The following ZPLD1 variants were observed in gnomAD, a reference collection of about 807,000 sequenced individuals.
ZPLD1 encodes the protein zona pellucida like domain containing 1.
ZPLD1 carries 34 observed loss-of-function variants against 47.2 expected under a neutral mutation model. That is an observed-to-expected ratio of 0.72 (90% confidence interval 0.55 to 0.96). The LOEUF (loss-of-function observed/expected upper bound fraction) is 0.96, where lower values mean the gene tolerates loss of function less well. Among genes scored for constraint, ZPLD1 ranks in the 40% least tolerant of loss-of-function variants. The pLI, the probability that ZPLD1 is intolerant of heterozygous loss-of-function variation, is 0.00. For missense variants in ZPLD1, 512 were observed against 505.8 expected (o/e 1.01, Z -0.12); for synonymous variants, 176 against 186.2 (o/e 0.95, Z 0.45).
rs1396709423 is a variant in ZPLD1, at chr3:102,470,267, T to C, written c.934-127T>C. ...GTTACATGCAAAGTAATTAAATAAATGCACGGAAGGAAATGAATAAAATTA... is the reference window on the plus strand; with the variant it reads ...GTTACATGCAAAGTAATTAAATAAACGCACGGAAGGAAATGAATAAAATTA... On this transcript the variant is annotated intron_variant, in intron 9 of 11. Transcript: ENST00000466937. 4.3e-6 allele frequency: 3 copies of C among 690,182 alleles called. No individual in the cohort carries two copies. The Admixed American group carries it at 8.0e-5, about 18-fold the overall frequency. 42.8% of individuals were successfully genotyped at this position (690,182 alleles called of 1,614,324 possible). A position where few individuals can be genotyped will look rare whatever the true frequency, so the allele number is the denominator to read the frequency against.
chr3:102,446,547 T>G (rs1227310711), intron 3 of ZPLD1, among the ~76,000 whole-genome samples: 1 of 152,112 alleles, frequency 6.6e-6, no homozygotes, highest in Admixed American at 6.5e-5. Context: ...TAACTCAGCC[T>G]CTCAAAGACT....
At chr3:102,387,119 ATT>A (rs1706432670) in intron 6 of ZPLD1, among the ~76,000 whole-genome samples, 1 of 152,114 alleles carries the variant, frequency 6.6e-6, no homozygotes, top group African/African-American at 2.4e-5. Context: ...TAGCTCCATC[ATT>A]CTTTCCTGTA....
chr3:102,452,720 C>T (rs144024391), intron 3 of ZPLD1, among the ~76,000 whole-genome samples, 199 bp from the exon 4 acceptor site: 96 of 152,294 alleles, frequency 6.3e-4, no homozygotes, highest in Admixed American at 1.2e-3. Flanking sequence ...ACTCAAAGAT[C>T]TCTCCTTAAA....
At position 102,478,092 on chromosome 3, in the gene ZPLD1, C is replaced by G. The variant is rs1392757692; in HGVS notation, c.*474C>G. On this transcript the variant is annotated 3_prime_UTR_variant, in exon 12 of 12. Coordinates refer to ENST00000466937, the MANE Select transcript of ZPLD1 (RefSeq NM_001329788.2). The stretch of plus-strand genomic sequence containing the variant: ...CAGGATGTGTTTTAATAGGACTGGC[C>G]AATTTGGATACCTGAGATTTAACTA... 6.6e-6 allele frequency: 1 copy of G among 152,230 alleles called. No homozygotes were observed. Among genetic ancestry groups the G allele is most frequent in the African/African-American group, 2.4e-5 (1 of 41,418 alleles). The allele number at this position is 152,230 out of a possible 1,614,324, so 9.4% of individuals were successfully genotyped here. A position where few individuals can be genotyped will look rare whatever the true frequency, so the allele number is the denominator to read the frequency against.
At chr3:102,415,430 G>A (rs1706794190) in intron 7 of ZPLD1, among the ~76,000 whole-genome samples, 2 of 151,756 alleles carry the variant, frequency 1.3e-5, no homozygotes, top group African/African-American at 4.8e-5. Context: ...ATGTACATAT[G>A]TATTTATGTT....
intron 3 of ZPLD1, among the ~76,000 whole-genome samples, chr3:102,452,117 G>A (rs1382617870): frequency 2.1e-3 from 6 of 2,920 alleles, no homozygotes; most frequent in African/African-American, 5.8e-3. Context: ...TGAAGACCGT[G>A]TGTGTGTGTG....
At chr3:102,473,425 C>G (rs1707713661) in intron 10 of ZPLD1, among the ~76,000 whole-genome samples, 2 of 152,042 alleles carry the variant, frequency 1.3e-5, no homozygotes, top group Admixed American at 1.3e-4. Flanking sequence ...GATTTCTTTC[C>G]AATTTTCAAC....
At chr3:102,393,843 C>T (rs1206389206) in intron 7 of ZPLD1, among the ~76,000 whole-genome samples, 1 of 152,100 alleles carries the variant, frequency 6.6e-6, no homozygotes, top group East Asian at 1.9e-4. Context: ...AGTACTGACT[C>T]ACTCTGTCCT....
chr3:102,472,120 A>G (rs1000155441), intron 10 of ZPLD1, among the ~76,000 whole-genome samples: 4 of 152,230 alleles, frequency 2.6e-5, no homozygotes, highest in Non-Finnish European at 5.9e-5. Flanking sequence ...TAGACCTAAC[A>G]TTATTTAAAA....
At chr3:102,437,025 C>A in intron 2 of ZPLD1, 52 bp downstream of exon 2, 1 of 767,874 alleles carries the variant, frequency 1.3e-6, no homozygotes, top group Non-Finnish European at 1.6e-6. Flanking sequence ...TTTCTAGTGT[C>A]TTCCAAAGAC....
chr3:102,424,330 A>G (rs951354777), intron 8 of ZPLD1, among the ~76,000 whole-genome samples: 2 of 152,086 alleles, frequency 1.3e-5, no homozygotes, highest in Non-Finnish European at 2.9e-5. Flanking sequence ...AGGTATCTTC[A>G]TATTTTTCTC....
intron 7 of ZPLD1, among the ~76,000 whole-genome samples, chr3:102,394,250 C>G (rs769612264): frequency 2.0e-5 from 3 of 152,092 alleles, no homozygotes; most frequent in Non-Finnish European, 2.9e-5. Flanking sequence ...TAATGTAAGA[C>G]ATGACAATAA....
At chr3:102,411,631 T>C (rs1164888391) in intron 7 of ZPLD1, among the ~76,000 whole-genome samples, 1 of 151,756 alleles carries the variant, frequency 6.6e-6, no homozygotes, top group Non-Finnish European at 1.5e-5. Context: ...GGAGACCAGA[T>C]TTAGGTCTCC....
intron 3 of ZPLD1, among the ~76,000 whole-genome samples, chr3:102,444,740 C>G (rs903432341): frequency 1.3e-5 from 2 of 152,170 alleles, no homozygotes; most frequent in Non-Finnish European, 2.9e-5. Context: ...TGCCACAAAG[C>G]ACTCTGCAGC....
chr3:102,445,172 G>A (rs879573651), intron 3 of ZPLD1, among the ~76,000 whole-genome samples: 5 of 152,190 alleles, frequency 3.3e-5, no homozygotes, highest in African/African-American at 9.6e-5. Flanking sequence ...AGACAGAGAT[G>A]GGGGTAAGAG....
intron 6 of ZPLD1, among the ~76,000 whole-genome samples, chr3:102,459,291 T>G (rs1362819543): frequency 2.6e-5 from 4 of 152,036 alleles, no homozygotes; most frequent in Non-Finnish European, 4.4e-5. Flanking sequence ...GAGTTGAGAT[T>G]ACTAGTTGGA....
At chr3:102,407,650 T>C (rs923023313) in intron 7 of ZPLD1, among the ~76,000 whole-genome samples, 1 of 151,446 alleles carries the variant, frequency 6.6e-6, no homozygotes, top group East Asian at 2.0e-4. Context: ...TAGGCAGTAG[T>C]CATGAACACA....
At chr3:102,433,805 A>G (rs1052620646), upstream of ZPLD1, among the ~76,000 whole-genome samples, 1 of 152,204 alleles carries the variant, frequency 6.6e-6, no homozygotes, top group African/African-American at 2.4e-5. Flanking sequence ...CTGAGATTAT[A>G]GGCGTGAGCC....
intron 8 of ZPLD1, among the ~76,000 whole-genome samples, chr3:102,422,257 C>A (rs1002007190): frequency 2.0e-5 from 3 of 151,932 alleles, no homozygotes; most frequent in African/African-American, 7.2e-5. Context: ...TAGGAAAGAA[C>A]AAAGTTGTAT....
Sources: gnomAD v4.1 joint callset for allele counts (sites outside exome capture counted in the v4.1 genomes callset) on GRCh38, gnomAD v4.1.1 for gene constraint, MANE v1.5 for transcripts, NCBI Gene and HGNC (gene_info 2026-07-23, HGNC 2026-07-21) for gene names.